The following GULP1 variants were observed in gnomAD, a reference collection of about 807,000 sequenced individuals.
GULP1 encodes GULP PTB domain containing engulfment adaptor 1, also known as PTB domain-containing engulfment adapter protein 1.
GULP1 carries 19 observed loss-of-function variants against 40.9 expected under a neutral mutation model. That is an observed-to-expected ratio of 0.46 (90% confidence interval 0.32 to 0.68). GULP1 has a LOEUF of 0.68. Ranked by LOEUF, GULP1 falls within the 30% of genes least tolerant of loss-of-function variation. The probability of loss-of-function intolerance (pLI) is 0.03; values close to 1 mark genes in which losing one functional copy is unlikely to be tolerated. For missense variants in GULP1, 312 were observed against 362.2 expected (o/e 0.86, Z 1.12); for synonymous variants, 119 against 117.6 (o/e 1.01, Z -0.08).
intron 1 of GULP1, among the ~76,000 whole-genome samples, chr2:188,370,457 T>G (rs2047451532): frequency 6.6e-6 from 1 of 152,200 alleles, no homozygotes; most frequent in African/African-American, 2.4e-5. Flanking sequence ...GAGACTTTCT[T>G]TGGATCTCAT....
At chr2:188,418,842 G>A (rs1167953647) in intron 2 of GULP1, among the ~76,000 whole-genome samples, 1 of 152,068 alleles carries the variant, frequency 6.6e-6, no homozygotes, top group Non-Finnish European at 1.5e-5. Flanking sequence ...CATTTTGCTT[G>A]ACTGAAACTT....
At chr2:188,583,744 T>C (rs1218964222) in intron 9 of GULP1, among the ~76,000 whole-genome samples, 3 of 152,136 alleles carry the variant, frequency 2.0e-5, no homozygotes, top group African/African-American at 7.2e-5. Flanking sequence ...TTGGTTCCCA[T>C]TGTTGATATA....
At chr2:188,525,556 TGGG>T (rs1173835369) in intron 5 of GULP1, among the ~76,000 whole-genome samples, 1 of 152,188 alleles carries the variant, frequency 6.6e-6, no homozygotes, top group African/African-American at 2.4e-5. Flanking sequence ...GTACAGATGT[TGGG>T]GGCTGAATGT....
chr2:188,427,462 C>T (rs994507828), intron 2 of GULP1, among the ~76,000 whole-genome samples: 1 of 152,204 alleles, frequency 6.6e-6, no homozygotes, highest in Non-Finnish European at 1.5e-5. Context: ...CCTAGGAGAA[C>T]TCAATCGTTT....
rs1395938457 is a variant in GULP1 at position 188,433,453 on chromosome 2, TC to T, written c.-44-44204del. ...TGAGAGAAAAAGGCAATGGAGAAGATCCTTTAGAATGAACATCTGAATCAAA... is the reference window on the plus strand; with the variant it reads ...TGAGAGAAAAAGGCAATGGAGAAGATCTTTAGAATGAACATCTGAATCAAA... On this transcript the variant is annotated intron_variant, in intron 2 of 11. Transcript: ENST00000409830. Among the ~76,000 whole-genome samples, 6 of 152,138 alleles carry T rather than the reference TC, an allele frequency of 3.9e-5. No homozygotes were observed. In the South Asian group the frequency reaches 1.0e-3, roughly 26 times the overall value.
At chr2:188,533,022 G>C (rs554655309) in intron 6 of GULP1, among the ~76,000 whole-genome samples, 19 of 152,198 alleles carry the variant, frequency 1.2e-4, no homozygotes, top group Admixed American at 4.6e-4. Flanking sequence ...TTGGCTTCCT[G>C]ACCACTTGAA....
At chr2:188,534,347 A>G (rs1046480516) in intron 6 of GULP1, among the ~76,000 whole-genome samples, 7 of 152,146 alleles carry the variant, frequency 4.6e-5, no homozygotes, top group Non-Finnish European at 1.0e-4. Context: ...AGCAACATGG[A>G]TGCATCTGGA....
intron 7 of GULP1, among the ~76,000 whole-genome samples, chr2:188,561,083 G>T (rs944370756): frequency 6.6e-6 from 1 of 152,234 alleles, no homozygotes; most frequent in African/African-American, 2.4e-5. Flanking sequence ...GGGTTAGTTT[G>T]CAGATATTAG....
intron 6 of GULP1, among the ~76,000 whole-genome samples, chr2:188,531,222 A>G (rs1358864074): frequency 6.6e-6 from 1 of 152,226 alleles, no homozygotes; most frequent in Non-Finnish European, 1.5e-5. Flanking sequence ...AGTGTTTCGC[A>G]TGCACATTAA....
chr2:188,380,521 C>T (rs182835050), intron 1 of GULP1, among the ~76,000 whole-genome samples: 27 of 151,934 alleles, frequency 1.8e-4, no homozygotes, highest in Non-Finnish European at 2.5e-4. Flanking sequence ...GGGGATTGAA[C>T]GTTTACTTAC....
chr2:188,326,907 C>T (rs542741745), intron 1 of GULP1, among the ~76,000 whole-genome samples: 1 of 152,196 alleles, frequency 6.6e-6, no homozygotes, highest in African/African-American at 2.4e-5. Flanking sequence ...CAGAATTCAG[C>T]AGACAGTCTG....
At chr2:188,294,727 T>A (rs913858175) in intron 1 of GULP1, among the ~76,000 whole-genome samples, 2 of 152,194 alleles carry the variant, frequency 1.3e-5, no homozygotes, top group African/African-American at 4.8e-5. Context: ...CTGACTATGA[T>A]TTCAGTTTTT....
intron 2 of GULP1, among the ~76,000 whole-genome samples, chr2:188,454,524 A>G (rs1336941910): frequency 6.6e-6 from 1 of 152,172 alleles, no homozygotes; most frequent in Non-Finnish European, 1.5e-5. Context: ...CCAAGGATTT[A>G]CCCAGGACAG....
chr2:188,309,813 A>G (rs907403474), intron 1 of GULP1, among the ~76,000 whole-genome samples: 1 of 152,232 alleles, frequency 6.6e-6, no homozygotes, highest in Non-Finnish European at 1.5e-5. Flanking sequence ...TCCTGCTTTT[A>G]CTATGCAGAC....
At chr2:188,575,767 T>C (rs188926640) in intron 9 of GULP1, among the ~76,000 whole-genome samples, 103 of 152,050 alleles carry the variant, frequency 6.8e-4, no homozygotes, top group African/African-American at 2.4e-3. Context: ...TTTTTTTTAA[T>C]GCAATGATAT....
chr2:188,546,604 G>A (rs1490437369), intron 7 of GULP1, among the ~76,000 whole-genome samples: 2 of 151,924 alleles, frequency 1.3e-5, no homozygotes, highest in Admixed American at 6.6e-5. Context: ...AATACATTAG[G>A]AAAGAGGAAA....
intron 1 of GULP1, among the ~76,000 whole-genome samples, chr2:188,356,307 A>T (rs567510725): frequency 2.1e-4 from 32 of 152,220 alleles, no homozygotes; most frequent in African/African-American, 7.5e-4. Flanking sequence ...TCCACCAAAA[A>T]ATTCTTAGAA....
At chr2:188,352,605 C>G (rs1000962983) in intron 1 of GULP1, among the ~76,000 whole-genome samples, 1 of 96,740 alleles carries the variant, frequency 1.0e-5, no homozygotes, top group African/African-American at 4.2e-5. Flanking sequence ...CTCTCTTTCT[C>G]TCTCTCTCTC....
intron 6 of GULP1, among the ~76,000 whole-genome samples, chr2:188,533,364 A>G (rs1308226407): frequency 2.0e-5 from 3 of 152,340 alleles, no homozygotes; most frequent in African/African-American, 4.8e-5. Flanking sequence ...GACAAAGTCA[A>G]CAAAAATAAC....
Sources: gnomAD v4.1 joint callset for allele counts (sites outside exome capture counted in the v4.1 genomes callset) on GRCh38, gnomAD v4.1.1 for gene constraint, MANE v1.5 for transcripts, NCBI Gene and HGNC (gene_info 2026-07-23, HGNC 2026-07-21) for gene names.